The following STK32A variants were observed in gnomAD, a reference collection of about 807,000 sequenced individuals.
STK32A encodes the protein serine/threonine kinase 32A.
STK32A carries 41 observed loss-of-function variants against 53.2 expected under a neutral mutation model. The ratio of observed to expected loss-of-function variants is 0.77; its 90% CI spans 0.60 to 1.00. The LOEUF (loss-of-function observed/expected upper bound fraction) is 1.00. Ranked by LOEUF, STK32A falls within the 50% of genes least tolerant of loss-of-function variation. The pLI is 0.00. For synonymous variants in STK32A, 166 were observed against 162.8 expected (o/e 1.02, Z -0.15); for missense variants, 458 against 485.8 (o/e 0.94, Z 0.54).
At chr5:147,346,159 G>T (rs1462446528) in intron 6 of STK32A, among the ~76,000 whole-genome samples, 1 of 152,182 alleles carries the variant, frequency 6.6e-6, no homozygotes, top group East Asian at 1.9e-4. Context: ...AGCTGATCTT[G>T]TGAGAATCAG....
intron 2 of STK32A, among the ~76,000 whole-genome samples, chr5:147,241,504 A>AAACAAAC (rs377097434): frequency 1.3e-5 from 2 of 151,988 alleles, no homozygotes; most frequent in African/African-American, 2.4e-5. Flanking sequence ...ACAAACAAAC[A>AAACAAAC]AAAAAACCCA....
chr5:147,375,874 A>G (rs1055355660), intron 11 of STK32A: 1 of 152,230 alleles, frequency 6.6e-6, no homozygotes, highest in Non-Finnish European at 1.5e-5. Context: ...ATGTGGCTCT[A>G]TGAATTATAA....
intron 8 of STK32A, among the ~76,000 whole-genome samples, chr5:147,366,609 TCC>T (rs1756758569): frequency 6.6e-6 from 1 of 152,212 alleles, no homozygotes; most frequent in Non-Finnish European, 1.5e-5. Context: ...ACTTTATGTA[TCC>T]TGTGAATCTT....
intron 4 of STK32A, among the ~76,000 whole-genome samples, chr5:147,287,136 C>A (rs1460785026): frequency 6.6e-6 from 1 of 152,190 alleles, no homozygotes; most frequent in East Asian, 1.9e-4. Context: ...AATGACTAGA[C>A]ATTAAGTGAC....
chr5:147,241,694 G>A (rs1216947391), intron 2 of STK32A, among the ~76,000 whole-genome samples: 1 of 152,022 alleles, frequency 6.6e-6, no homozygotes, highest in Non-Finnish European at 1.5e-5. Flanking sequence ...TTATCAAATA[G>A]TAAAAGCAAA....
intron 5 of STK32A, among the ~76,000 whole-genome samples, chr5:147,329,313 C>A (rs955559420): frequency 7.9e-5 from 12 of 152,110 alleles, no homozygotes; most frequent in African/African-American, 2.9e-4. Flanking sequence ...GGAGTAGCTG[C>A]TTATGAGATG....
intron 9 of STK32A, 86 bp downstream of exon 9, chr5:147,370,856 G>C (rs1756978972): frequency 1.2e-6 from 1 of 848,418 alleles, no homozygotes; most frequent in Admixed American, 1.9e-5. Context: ...ATACAATATT[G>C]GGGACAGTCA....
intron 4 of STK32A, among the ~76,000 whole-genome samples, chr5:147,291,345 G>A (rs34094800): frequency 0.16 from 23,974 of 151,986 alleles, 2,412 homozygotes; most frequent in East Asian, 0.55. Flanking sequence ...GAGTCTTAGT[G>A]GGGATTTTAA....
intron 6 of STK32A, among the ~76,000 whole-genome samples, chr5:147,345,581 T>C (rs548716764): frequency 2.0e-5 from 3 of 152,352 alleles, no homozygotes; most frequent in African/African-American, 7.2e-5. Flanking sequence ...TGTCTACTTC[T>C]TAGATCTTGT....
the STK32A span, chr5:147,401,751 G>C: frequency 6.3e-7 from 1 of 1,596,248 alleles, no homozygotes; most frequent in African/African-American, 1.3e-5. Flanking sequence ...GCTGCACTGG[G>C]CCAAGCCTAT....
At position 147,351,069 on chromosome 5, in the gene STK32A, C is replaced by G. The variant is rs376422055; in HGVS notation, c.477C>G (p.His159Gln). ...PDNILLDEHG[H>Q]VHITDFNIAA... Reference sequence around the variant, plus strand: ...GTGGTTCTTCTCTCTCTGCAGGGCACGTGCACATCACAGATTTCAACATTG... The same window carrying G: ...GTGGTTCTTCTCTCTCTGCAGGGCAGGTGCACATCACAGATTTCAACATTG... Residue 159 changes from histidine to glutamine, a missense_variant, in exon 7 of 13, where the codon CAC becomes CAG. Physicochemically the swap from His to Gln is conservative, Grantham distance 24. Transcript: ENST00000397936. 1.2e-6 allele frequency: 2 copies of G among 1,613,560 alleles called. No individual in the cohort carries two copies. The highest frequency in any genetic ancestry group is 1.1e-5 in the South Asian group (1 of 91,024).
intron 6 of STK32A, among the ~76,000 whole-genome samples, chr5:147,344,537 C>T (rs976127486): frequency 7.9e-5 from 12 of 152,194 alleles, no homozygotes; most frequent in Non-Finnish European, 1.5e-4. Flanking sequence ...ACTTGGGAGG[C>T]TGAGGCAGGA....
chr5:147,305,280 C>T (rs888235353), intron 4 of STK32A, among the ~76,000 whole-genome samples: 2 of 152,046 alleles, frequency 1.3e-5, no homozygotes, highest in African/African-American at 4.8e-5. Flanking sequence ...GGAGTCTTGC[C>T]AACAACCTCC....
At chr5:147,335,339 A>C (rs1294041051) in intron 5 of STK32A, among the ~76,000 whole-genome samples, 1 of 152,118 alleles carries the variant, frequency 6.6e-6, no homozygotes, top group Non-Finnish European at 1.5e-5. Context: ...AATAAAAGAG[A>C]TTTATTATCT....
At chr5:147,364,214 T>TC (rs1554108795) in intron 8 of STK32A, among the ~76,000 whole-genome samples, 2 of 76,772 alleles carry the variant, frequency 2.6e-5, no homozygotes, top group Non-Finnish European at 4.7e-5. Context: ...AAACTCCATC[T>TC]CAAAAAAAAA....
intron 2 of STK32A, among the ~76,000 whole-genome samples, chr5:147,274,694 C>T (rs766202275): frequency 2.0e-5 from 3 of 152,180 alleles, no homozygotes; most frequent in Non-Finnish European, 4.4e-5. Context: ...CAGTTAGTTC[C>T]AGGCAATATT....
At chr5:147,297,469 T>C (rs893046548) in intron 4 of STK32A, among the ~76,000 whole-genome samples, 2 of 152,212 alleles carry the variant, frequency 1.3e-5, no homozygotes, top group Non-Finnish European at 2.9e-5. Flanking sequence ...AGCAGAATCT[T>C]AGCTGGTAGA....
chr5:147,305,018 G>A (rs890610007), intron 4 of STK32A, among the ~76,000 whole-genome samples: 2 of 151,788 alleles, frequency 1.3e-5, no homozygotes, highest in Non-Finnish European at 2.9e-5. Flanking sequence ...GGATCCCTTG[G>A]GCCAGGAGTT....
At chr5:147,247,664 A>G (rs927056813) in intron 2 of STK32A, among the ~76,000 whole-genome samples, 4 of 152,162 alleles carry the variant, frequency 2.6e-5, no homozygotes, top group Non-Finnish European at 5.9e-5. Flanking sequence ...CAACTACTCA[A>G]CTCTGCCACT....
Sources: gnomAD v4.1 joint callset for allele counts (sites outside exome capture counted in the v4.1 genomes callset) on GRCh38, gnomAD v4.1.1 for gene constraint, MANE v1.5 for transcripts, NCBI Gene and HGNC (gene_info 2026-07-23, HGNC 2026-07-21) for gene names.